RASA3: variants seen among roughly 807,000 people sequenced by gnomAD.
RASA3 encodes the protein RAS p21 protein activator 3.
Under a neutral mutation model 110.0 loss-of-function variants are expected in RASA3, and 73 were observed. The observed-to-expected ratio is 0.66, with a 90% CI of 0.55 to 0.81. The LOEUF is 0.81. Among genes scored for constraint, RASA3 ranks in the 30% least tolerant of loss-of-function variants. The pLI is 0.00. For missense variants in RASA3, 976 were observed against 1,113.2 expected, an observed-to-expected ratio of 0.88 and a Z score of 1.75; for synonymous variants, 500 against 451.4, an observed-to-expected ratio of 1.11 and a Z score of -1.37.
chr13:113,995,693 ATGG>A (rs2053220283), intron 21 of RASA3, among the ~76,000 whole-genome samples: 1 of 90,084 alleles, frequency 1.1e-5, no homozygotes, highest in African/African-American at 5.2e-5. Context: ...GGCCCGGCTG[ATGG>A]GGGGCTGGCT....
intron 1 of RASA3, among the ~76,000 whole-genome samples, chr13:114,103,192 C>G (rs1158677115): frequency 6.6e-6 from 1 of 152,144 alleles, no homozygotes; most frequent in Non-Finnish European, 1.5e-5. Context: ...GAGGGTCTCC[C>G]CCAAGTCCAC....
At chr13:114,078,713 A>G (rs966700835) in intron 1 of RASA3, among the ~76,000 whole-genome samples, 12 of 152,374 alleles carry the variant, frequency 7.9e-5, no homozygotes, top group African/African-American at 2.9e-4. Flanking sequence ...GCCCTGATCC[A>G]AAGCGTCATG....
At chr13:114,102,518 G>C (rs968059313) in intron 1 of RASA3, among the ~76,000 whole-genome samples, 1 of 152,152 alleles carries the variant, frequency 6.6e-6, no homozygotes, top group Non-Finnish European at 1.5e-5. Flanking sequence ...GAGGTGCGAG[G>C]GGCCCTGTCT....
chr13:113,981,899 G>A, intron 22 of RASA3, 41 bp from the exon 23 acceptor site: 1 of 1,582,454 alleles, frequency 6.3e-7, no homozygotes, highest in Non-Finnish European at 8.6e-7. Context: ...AGGAGCCCAG[G>A]CCACCGGCCC....
At chr13:114,120,699 G>T (rs2080365267) in intron 1 of RASA3, among the ~76,000 whole-genome samples, 1 of 152,258 alleles carries the variant, frequency 6.6e-6, no homozygotes, top group African/African-American at 2.4e-5. Flanking sequence ...AACTCCGTGT[G>T]ACCCTGCCCC....
At chr13:113,999,738 G>A (rs1163782865) in intron 19 of RASA3, 71 bp from the exon 20 acceptor site, 5 of 1,289,958 alleles carry the variant, frequency 3.9e-6, no homozygotes, top group Non-Finnish European at 5.6e-6. Context: ...GGGGCTGAGG[G>A]GTCTCTGCCG....
chr13:114,066,053 G>A (rs904966532), intron 2 of RASA3, among the ~76,000 whole-genome samples: 8 of 151,758 alleles, frequency 5.3e-5, no homozygotes, highest in Non-Finnish European at 8.8e-5. Flanking sequence ...CTCTGTGGTC[G>A]CCAGGCACGC....
chr13:114,027,097 C>T (rs144578737), intron 7 of RASA3, among the ~76,000 whole-genome samples: 31 of 152,342 alleles, frequency 2.0e-4, no homozygotes, highest in African/African-American at 7.0e-4. Flanking sequence ...TGGGCCAGTT[C>T]GGGAGACAAC....
chr13:114,071,072 T>C (rs1325823976), intron 2 of RASA3, among the ~76,000 whole-genome samples: 1 of 152,258 alleles, frequency 6.6e-6, no homozygotes, highest in Non-Finnish European at 1.5e-5. Flanking sequence ...CTCTTGGAAC[T>C]GTCCCACATG....
At chr13:114,031,850 G>T (rs182554863) in intron 4 of RASA3, among the ~76,000 whole-genome samples, 1 of 152,154 alleles carries the variant, frequency 6.6e-6, no homozygotes, top group Non-Finnish European at 1.5e-5. Flanking sequence ...TGGGACAGAC[G>T]GGCAGAATGC....
At chr13:114,016,096 C>A in intron 13 of RASA3, 101 bp downstream of exon 13, 1 of 1,084,218 alleles carries the variant, frequency 9.2e-7, no homozygotes, top group Non-Finnish European at 1.4e-6. Flanking sequence ...CTGCTCCCAC[C>A]CCAACCGGGG....
intron 5 of RASA3, among the ~76,000 whole-genome samples, chr13:114,028,274 GA>G (rs2062286181): frequency 6.6e-6 from 1 of 151,780 alleles, no homozygotes; most frequent in African/African-American, 2.4e-5. Context: ...CATCATCTGG[GA>G]GCCAGGACCC....
intron 3 of RASA3, among the ~76,000 whole-genome samples, chr13:114,046,387 G>A (rs573407259): frequency 5.3e-5 from 8 of 152,212 alleles, no homozygotes; most frequent in South Asian, 2.1e-4. Flanking sequence ...GACTCCCCAC[G>A]GGCGGGGTGT....
At chr13:113,994,680 A>G (rs926028947) in intron 21 of RASA3, among the ~76,000 whole-genome samples, 3 of 152,132 alleles carry the variant, frequency 2.0e-5, no homozygotes, top group African/African-American at 7.2e-5. Flanking sequence ...CAAAAAACCA[A>G]AATTTAATGA....
chr13:114,054,912 T>A (rs1203576371), intron 2 of RASA3, among the ~76,000 whole-genome samples: 1 of 152,238 alleles, frequency 6.6e-6, no homozygotes, highest in Non-Finnish European at 1.5e-5. Flanking sequence ...AGATCTGATG[T>A]CAGGGACCCC....
At chr13:114,022,046 C>T (rs1050167861) in intron 8 of RASA3, among the ~76,000 whole-genome samples, 10 of 152,170 alleles carry the variant, frequency 6.6e-5, no homozygotes, top group East Asian at 1.9e-4. Context: ...CTGTGCACGG[C>T]GGGCAAATGT....
chr13:114,003,426 T>C (rs1356902447), intron 18 of RASA3, among the ~76,000 whole-genome samples: 1 of 152,226 alleles, frequency 6.6e-6, no homozygotes, highest in Non-Finnish European at 1.5e-5. Flanking sequence ...CTTTAGGGAT[T>C]ACAGGATGAA....
chr13:114,055,117 C>T (rs555082003), intron 2 of RASA3, among the ~76,000 whole-genome samples: 1 of 150,912 alleles, frequency 6.6e-6, no homozygotes, highest in South Asian at 2.1e-4. Flanking sequence ...TGTGTCCCCA[C>T]AGGCAGGTGT....
At chr13:113,995,721 C>A (rs368210993) in intron 21 of RASA3, among the ~76,000 whole-genome samples, 46 of 62,968 alleles carry the variant, frequency 7.3e-4, no homozygotes, top group Non-Finnish European at 1.0e-3. Context: ...GAGGACCCAG[C>A]TGATGGGGGG....
Sources: gnomAD v4.1 joint callset for allele counts (sites outside exome capture counted in the v4.1 genomes callset) on GRCh38, gnomAD v4.1.1 for gene constraint, MANE v1.5 for transcripts, NCBI Gene and HGNC (gene_info 2026-07-23, HGNC 2026-07-21) for gene names.